Variants in NRXN1 observed in about 807,000 individuals in gnomAD.
The protein encoded by NRXN1 is neurexin-1.
A neutral mutation model predicts 150.9 loss-of-function variants in NRXN1; 39 were observed. That is an observed-to-expected ratio of 0.26 (90% CI 0.20 to 0.34). The LOEUF (loss-of-function observed/expected upper bound fraction) is 0.34, where lower values mean the gene tolerates loss of function less well. Ranked by LOEUF, NRXN1 falls within the 10% of genes least tolerant of loss-of-function variation. The pLI, the probability that NRXN1 is intolerant of heterozygous loss-of-function variation, is 1.00. For missense variants in NRXN1, 1,815 were observed against 1,949.9 expected, an observed-to-expected ratio of 0.93 and a Z score of 1.30; for synonymous variants, 924 against 757.0, an observed-to-expected ratio of 1.22 and a Z score of -3.62.
chr2:50,530,793 C>T (rs1194193255), intron 11 of NRXN1, among the ~76,000 whole-genome samples: 1 of 152,164 alleles, frequency 6.6e-6, no homozygotes, highest in African/African-American at 2.4e-5. Flanking sequence ...AAGAACAGCT[C>T]TTGATCTAGA....
chr2:50,619,597 A>G lies in NRXN1; in HGVS notation c.1320+425T>C, dbSNP rs184008231. 2.2e-5 allele frequency: 6 copies of G among 275,170 alleles called. No homozygotes were observed. In the Admixed American group the frequency reaches 3.2e-4, roughly 14 times the overall value. 17.0% of individuals were successfully genotyped at this position (275,170 alleles called of 1,614,324 possible). A position where few individuals can be genotyped will look rare whatever the true frequency, so the allele number is the denominator to read the frequency against. ...GTTTTAGTTTTGTTTTGAATTACATAGTCGTTGCTTCTCCTATAGGCTAAT... is the reference window on the plus strand; with the variant it reads ...GTTTTAGTTTTGTTTTGAATTACATGGTCGTTGCTTCTCCTATAGGCTAAT... On this transcript the variant is annotated intron_variant, in intron 8 of 22. Coordinates refer to ENST00000401669, the MANE Select transcript of NRXN1 (RefSeq NM_001330078.2).
At chr2:50,663,200 A>C (rs1465448035) in intron 5 of NRXN1, among the ~76,000 whole-genome samples, 1 of 152,024 alleles carries the variant, frequency 6.6e-6, no homozygotes, top group Non-Finnish European at 1.5e-5. Flanking sequence ...CACCATCCAC[A>C]TACTATACAT....
At chr2:50,571,389 C>A (rs1165928517) in intron 8 of NRXN1, among the ~76,000 whole-genome samples, 1 of 152,094 alleles carries the variant, frequency 6.6e-6, no homozygotes, top group Non-Finnish European at 1.5e-5. Context: ...TTCTTAGACA[C>A]AATGAGGATG....
intron 5 of NRXN1, among the ~76,000 whole-genome samples, chr2:50,796,211 C>T (rs981380102): frequency 2.6e-5 from 4 of 152,126 alleles, no homozygotes; most frequent in African/African-American, 9.7e-5. Context: ...CCTAAAATGG[C>T]TGCTGGTGAT....
chr2:50,921,724 C>A (rs1043195423), intron 5 of NRXN1, 145 bp downstream of exon 5: 1 of 394,156 alleles, frequency 2.5e-6, no homozygotes, highest in Admixed American at 4.6e-5. Flanking sequence ...TTTTTCTTAT[C>A]TTAAATTTAT....
chr2:50,611,923 C>T (rs1031659264), intron 8 of NRXN1, among the ~76,000 whole-genome samples: 4 of 152,170 alleles, frequency 2.6e-5, no homozygotes, highest in Non-Finnish European at 4.4e-5. Flanking sequence ...CCAATCAGAT[C>T]TTCCCTTCTC....
intron 2 of NRXN1, among the ~76,000 whole-genome samples, chr2:50,990,765 T>C (rs1317856210): frequency 2.0e-5 from 3 of 151,994 alleles, no homozygotes; most frequent in African/African-American, 7.2e-5. Flanking sequence ...CCAGGAGCTG[T>C]TTCCCAGATC....
At chr2:50,807,772 T>A (rs1010992854) in intron 5 of NRXN1, among the ~76,000 whole-genome samples, 2 of 152,176 alleles carry the variant, frequency 1.3e-5, no homozygotes, top group Non-Finnish European at 2.9e-5. Context: ...TAATTTATTT[T>A]GAGTTACTAG....
rs141045016 is a variant in NRXN1 at position 50,128,784 on chromosome 2, A to G, written c.3547-37290T>C. Among the ~76,000 whole-genome samples, 18 of 152,058 alleles carry G rather than the reference A, an allele frequency of 1.2e-4. 1 individual carries two copies. The highest frequency in any genetic ancestry group is 4.3e-4 in the African/African-American group (18 of 41,466). ...GATCGCCTGAGATCAGGAGTTTGAG[A>G]CCAGCCTGGCCAACATGGCGAAACC... is the stretch of plus-strand genomic sequence containing the variant. On this transcript the variant is annotated intron_variant, in intron 18 of 22. Coordinates refer to ENST00000401669, the MANE Select transcript of NRXN1 (RefSeq NM_001330078.2).
chr2:50,527,693 AG>A (rs2092993240), intron 12 of NRXN1, among the ~76,000 whole-genome samples: 1 of 152,156 alleles, frequency 6.6e-6, no homozygotes, highest in African/African-American at 2.4e-5. Context: ...TGTTCCTCAG[AG>A]GATGCCTTAT....
In NRXN1 at chr2:50,373,669, A is replaced by AAGAAAGAAGGAAG. The variant is rs1156301635; in HGVS notation, c.3364+91772_3364+91773insCTTCCTTCTTTCT. ...AAGAAAGAAAGAAAGAAAGAAAGAA[A>AAGAAAGAAGGAAG]GAAAGAAAGAAAAGAAAGAAGGAAA... is the stretch of plus-strand genomic sequence containing the variant. On this transcript the variant is annotated intron_variant, in intron 17 of 22. Coordinates refer to ENST00000401669, the MANE Select transcript of NRXN1 (RefSeq NM_001330078.2). 1.1e-3 allele frequency among the ~76,000 whole-genome samples: 131 copies of AAGAAAGAAGGAAG among 114,592 alleles called. 1 individual carries two copies. The highest frequency in any genetic ancestry group is 5.0e-3 in the African/African-American group (127 of 25,530). The allele number at this position is 114,592 out of a possible 152,430, so 75.2% of individuals were successfully genotyped here. A position where few individuals can be genotyped will look rare whatever the true frequency, so the allele number is the denominator to read the frequency against.
At chr2:50,512,920 G>C (rs546486412) in intron 12 of NRXN1, among the ~76,000 whole-genome samples, 1 of 152,188 alleles carries the variant, frequency 6.6e-6, no homozygotes, top group South Asian at 2.1e-4. Context: ...TTTACATTTG[G>C]TTCAAATGTA....
chr2:50,312,843 A>G (rs558088058), intron 17 of NRXN1: 1 of 470,572 alleles, frequency 2.1e-6, no homozygotes, highest in African/African-American at 2.0e-5. Flanking sequence ...TTTCCTGATC[A>G]TATAATTTTA....
chr2:50,999,880 C>CT (rs1162206645), intron 2 of NRXN1, among the ~76,000 whole-genome samples: 2 of 152,180 alleles, frequency 1.3e-5, no homozygotes, highest in South Asian at 2.1e-4. Context: ...GGTTACTCTA[C>CT]TGCCTCTCTT....
At chr2:50,105,893 T>A (rs1441873639) in intron 18 of NRXN1, among the ~76,000 whole-genome samples, 1 of 151,902 alleles carries the variant, frequency 6.6e-6, no homozygotes, top group African/African-American at 2.4e-5. Flanking sequence ...AAACCACCAT[T>A]AACTATTCCT....
intron 3 of NRXN1, 64 bp downstream of exon 3, chr2:50,925,874 C>G: frequency 8.1e-7 from 1 of 1,239,276 alleles, no homozygotes; most frequent in Non-Finnish European, 1.2e-6. Flanking sequence ...TCAAGATGTA[C>G]CCTATTAGTA....
intron 8 of NRXN1, among the ~76,000 whole-genome samples, chr2:50,612,436 A>G (rs1292544088): frequency 6.6e-6 from 1 of 152,160 alleles, no homozygotes; most frequent in Non-Finnish European, 1.5e-5. Flanking sequence ...CAAGTATCAA[A>G]TTATTTCACA....
intron 5 of NRXN1, among the ~76,000 whole-genome samples, chr2:50,683,399 G>A (rs918100000): frequency 7.3e-5 from 11 of 150,578 alleles, no homozygotes; most frequent in East Asian, 6.0e-4. Flanking sequence ...TTGGGAGGCC[G>A]AGGTGGGCGG....
intron 18 of NRXN1, among the ~76,000 whole-genome samples, chr2:50,151,376 A>G (rs1013659031): frequency 6.6e-6 from 1 of 151,786 alleles, no homozygotes; most frequent in Admixed American, 6.6e-5. Flanking sequence ...TCTTCAAAAA[A>G]AAATCAATGA....
Sources: gnomAD v4.1 joint callset for allele counts (sites outside exome capture counted in the v4.1 genomes callset) on GRCh38, gnomAD v4.1.1 for gene constraint, MANE v1.5 for transcripts, NCBI Gene and HGNC (gene_info 2026-07-23, HGNC 2026-07-21) for gene names.